Variants in STARD3NL observed in about 807,000 individuals in gnomAD.
STARD3NL encodes the protein STARD3 N-terminal like, also known as STARD3 N-terminal-like protein.
Under a neutral mutation model 30.9 loss-of-function variants are expected in STARD3NL, and 17 were observed. The observed-to-expected ratio is 0.55, with a 90% CI of 0.38 to 0.82. The LOEUF is 0.82. Among genes scored for constraint, STARD3NL ranks in the 40% least tolerant of loss-of-function variants. STARD3NL has a pLI of 0.00. For missense variants in STARD3NL, 234 were observed against 277.6 expected (o/e 0.84, Z 1.12); for synonymous variants, 112 against 100.5 (o/e 1.11, Z -0.69).
intron 7 of STARD3NL, among the ~76,000 whole-genome samples, chr7:38,219,989 G>A (rs1364243399): frequency 6.6e-6 from 1 of 152,184 alleles, no homozygotes; most frequent in Non-Finnish European, 1.5e-5. Context: ...CCATATCTGA[G>A]AATGGCAGCA....
At chr7:38,226,411 G>A (rs1462599597) in intron 7 of STARD3NL, among the ~76,000 whole-genome samples, 2 of 152,000 alleles carry the variant, frequency 1.3e-5, no homozygotes, top group Non-Finnish European at 2.9e-5. Context: ...AGTTACCCAT[G>A]TCTAGAGCCT....
rs1785484457 is a variant in STARD3NL, at chr7:38,206,366, G to A, written c.-58-1081G>A. On this transcript the variant is annotated intron_variant, in intron 1 of 8. Transcript: ENST00000009041. The stretch of plus-strand genomic sequence containing the variant: ...ACGTTCATGGCTAAAGAACAGATAG[G>A]AGTTCAGTAGAGCCAGGAGTATATA... Among the ~76,000 whole-genome samples the A allele has an allele frequency of 3.3e-5, 5 of 152,284 alleles. No homozygotes were observed. In the South Asian group the frequency reaches 1.0e-3, roughly 32 times the overall value.
At chr7:38,188,409 A>T (rs542692200) in intron 1 of STARD3NL, among the ~76,000 whole-genome samples, 3 of 152,164 alleles carry the variant, frequency 2.0e-5, no homozygotes, top group Non-Finnish European at 2.9e-5. Flanking sequence ...CGTTGCTCAG[A>T]TGCTGCCTCA....
intron 7 of STARD3NL, among the ~76,000 whole-genome samples, chr7:38,226,001 T>C (rs1022994484): frequency 6.6e-6 from 1 of 152,216 alleles, no homozygotes; most frequent in African/African-American, 2.4e-5. Flanking sequence ...TTCCTCCTTC[T>C]GGGATTCCCA....
At chr7:38,202,701 C>T (rs1583798212) in intron 1 of STARD3NL, among the ~76,000 whole-genome samples, 1 of 149,944 alleles carries the variant, frequency 6.7e-6, no homozygotes, top group East Asian at 2.0e-4. Flanking sequence ...TTAGGTATAT[C>T]TCCTAATGCT....
At chr7:38,197,667 T>C (rs1784987961) in intron 1 of STARD3NL, among the ~76,000 whole-genome samples, 2 of 152,228 alleles carry the variant, frequency 1.3e-5, no homozygotes, top group African/African-American at 2.4e-5. Flanking sequence ...CTTGTTAGCA[T>C]GCCATAATGT....
chr7:38,221,875 G>T (rs1434284445), intron 7 of STARD3NL, among the ~76,000 whole-genome samples: 1 of 152,168 alleles, frequency 6.6e-6, no homozygotes, highest in Non-Finnish European at 1.5e-5. Flanking sequence ...CCACCTTGCT[G>T]TTTCCATTCT....
At chr7:38,182,915 G>T (rs1241348631) in intron 1 of STARD3NL, among the ~76,000 whole-genome samples, 1 of 152,142 alleles carries the variant, frequency 6.6e-6, no homozygotes, top group Non-Finnish European at 1.5e-5. Context: ...GACCTTTCAT[G>T]TTGCAGTAAT....
At chr7:38,211,327 G>C (rs977453872) in intron 2 of STARD3NL, among the ~76,000 whole-genome samples, 6 of 150,522 alleles carry the variant, frequency 4.0e-5, no homozygotes, top group African/African-American at 1.3e-4. Flanking sequence ...TGGAAGGATA[G>C]GTGGCAGTTA....
chr7:38,187,534 G>A (rs1011798129), intron 1 of STARD3NL, among the ~76,000 whole-genome samples: 1 of 152,016 alleles, frequency 6.6e-6, no homozygotes, highest in Non-Finnish European at 1.5e-5. Context: ...TTTTTTCGGT[G>A]CTCAATGCTT....
At chr7:38,219,157 C>G (rs1057045947) in intron 6 of STARD3NL, among the ~76,000 whole-genome samples, 3 of 152,174 alleles carry the variant, frequency 2.0e-5, no homozygotes, top group African/African-American at 7.2e-5. Context: ...AGCAATCCTC[C>G]CACCTTAACC....
intron 7 of STARD3NL, among the ~76,000 whole-genome samples, chr7:38,224,648 G>A (rs1277331892): frequency 6.6e-6 from 1 of 152,192 alleles, no homozygotes; most frequent in Non-Finnish European, 1.5e-5. Flanking sequence ...CCACCTGGTA[G>A]TCACTTAGGA....
chr7:38,215,290 G>T (rs1028798518), intron 4 of STARD3NL, 185 bp downstream of exon 4: 1 of 560,180 alleles, frequency 1.8e-6, no homozygotes, highest in African/African-American at 1.9e-5. Context: ...CAATGTTAAT[G>T]AGTAACTAGA....
Position 38,219,496 on chromosome 7 carries a change from A to G in STARD3NL, c.554-69A>G, listed in dbSNP as rs1195543282. 19 of 1,087,206 alleles carry G rather than the reference A, an allele frequency of 1.7e-5. No individual in the cohort carries two copies. The Admixed American group carries it at 2.7e-4, about 15-fold the overall frequency. The allele number at this position is 1,087,206 out of a possible 1,614,324, so 67.3% of individuals were successfully genotyped here. Reference sequence around the variant, plus strand: ...TGTAATAATAATACCATTTTATTTTACTTAATCTTGCCAAAAAGCTACCAG... The same window carrying G: ...TGTAATAATAATACCATTTTATTTTGCTTAATCTTGCCAAAAAGCTACCAG... On this transcript the variant is annotated intron_variant, in intron 6 of 8. Coordinates refer to ENST00000009041, the MANE Select transcript of STARD3NL (RefSeq NM_032016.4).
chr7:38,186,802 C>T (rs146572689), intron 1 of STARD3NL, among the ~76,000 whole-genome samples: 12 of 152,206 alleles, frequency 7.9e-5, no homozygotes, highest in African/African-American at 1.4e-4. Flanking sequence ...CACCTAATGA[C>T]GCATTTCTCA....
At chr7:38,222,184 C>G (rs888643414) in intron 7 of STARD3NL, among the ~76,000 whole-genome samples, 3 of 143,488 alleles carry the variant, frequency 2.1e-5, no homozygotes, top group South Asian at 2.2e-4. Flanking sequence ...CACACACACA[C>G]AGAGTGGTAA....
intron 7 of STARD3NL, among the ~76,000 whole-genome samples, chr7:38,225,369 C>T (rs951629483): frequency 1.2e-4 from 18 of 152,226 alleles, no homozygotes; most frequent in Admixed American, 5.2e-4. Flanking sequence ...AATTTGTTCT[C>T]TTATGGATAA....
intron 2 of STARD3NL, among the ~76,000 whole-genome samples, chr7:38,211,781 T>A (rs1785818731): frequency 6.6e-6 from 1 of 152,140 alleles, no homozygotes; most frequent in Non-Finnish European, 1.5e-5. Context: ...GCTTTCCCCC[T>A]TTTTCATCAG....
intron 1 of STARD3NL, among the ~76,000 whole-genome samples, chr7:38,201,198 C>A (rs1265217105): frequency 2.0e-5 from 3 of 152,216 alleles, no homozygotes; most frequent in Admixed American, 2.0e-4. Context: ...TAGAGCCAAT[C>A]TGCTCAGAGA....
Sources: gnomAD v4.1 joint callset for allele counts (sites outside exome capture counted in the v4.1 genomes callset) on GRCh38, gnomAD v4.1.1 for gene constraint, MANE v1.5 for transcripts, NCBI Gene and HGNC (gene_info 2026-07-23, HGNC 2026-07-21) for gene names.